The following ASCC3 variants were observed in gnomAD, a reference collection of about 807,000 sequenced individuals.
ASCC3 encodes the protein activating signal cointegrator 1 complex subunit 3, also known as ASC-1 complex subunit P200.
Under a neutral mutation model 256.3 loss-of-function variants are expected in ASCC3, and 158 were observed. That is an observed-to-expected ratio of 0.62 (90% CI 0.54 to 0.70). ASCC3 has a LOEUF of 0.70. ASCC3 is among the 30% of genes least tolerant of loss of function. ASCC3 has a pLI of 0.00. For synonymous variants in ASCC3, 948 were observed against 883.4 expected (o/e 1.07, Z -1.30); for missense variants, 2,259 against 2,626.0 (o/e 0.86, Z 3.05).
chr6:100,717,357 A>G (rs1383999836), intron 12 of ASCC3, among the ~76,000 whole-genome samples: 1 of 151,998 alleles, frequency 6.6e-6, no homozygotes, highest in Non-Finnish European at 1.5e-5. Context: ...CTCTTTTATT[A>G]AAAATGTCAA....
At chr6:100,598,406 A>C (rs1422481345) in intron 34 of ASCC3, among the ~76,000 whole-genome samples, 2 of 152,196 alleles carry the variant, frequency 1.3e-5, no homozygotes, top group African/African-American at 4.8e-5. Flanking sequence ...ATGTGTGAGC[A>C]GGAGACATCC....
At chr6:100,629,214 T>C (rs1175216791) in intron 26 of ASCC3, 33 bp from the exon 27 acceptor site, 1 of 1,601,362 alleles carries the variant, frequency 6.2e-7, no homozygotes, top group South Asian at 1.1e-5. Context: ...TCCCAGAAAC[T>C]TTTCAGGTAA....
chr6:100,765,096 A>T (rs1265945173), intron 10 of ASCC3, among the ~76,000 whole-genome samples: 1 of 152,206 alleles, frequency 6.6e-6, no homozygotes, highest in Non-Finnish European at 1.5e-5. Flanking sequence ...GCCACCAGAA[A>T]CTAGGAGGCA....
intron 13 of ASCC3, among the ~76,000 whole-genome samples, chr6:100,701,876 C>G (rs1001137905): frequency 2.6e-5 from 4 of 151,542 alleles, no homozygotes; most frequent in Admixed American, 2.6e-4. Flanking sequence ...TGTACAAAAG[C>G]CCCAAGAAAA....
Position 100,767,221 on chromosome 6 carries a change from T to C in ASCC3, c.1520A>G (p.Asn507Ser), listed in dbSNP as rs1420872946. The stretch of plus-strand genomic sequence containing the variant: ...ATGCAAGACTGTCAGCATTGCAATG[T>C]TGGTTTTTCCAGCTCCTGTAGGGGC... ...ICAPTGAGKT[N>S]IAMLTVLHEI... Residue 507 changes from asparagine to serine, a missense_variant, in exon 9 of 42, where the codon AAC becomes AGC. By Grantham distance (46) the Asn-to-Ser change is conservative. This residue lies in a region of ASCC3 where 1,839 missense variants were observed against 2,206.7 expected (regional missense o/e 0.83). Transcript: ENST00000369162. 6.2e-7 allele frequency: 1 copy of C among 1,614,178 alleles called. No individual in the cohort carries two copies. Among genetic ancestry groups the C allele is most frequent in the Admixed American group, 1.7e-5 (1 of 60,036 alleles).
chr6:100,571,915 C>T (rs1770611020), intron 36 of ASCC3, among the ~76,000 whole-genome samples: 2 of 152,174 alleles, frequency 1.3e-5, no homozygotes, highest in South Asian at 4.1e-4. Context: ...CAGGCAGAAA[C>T]TCTTTTATAA....
chr6:100,717,616 TAAGTTA>T (rs1330345821), intron 12 of ASCC3, among the ~76,000 whole-genome samples: 1 of 151,972 alleles, frequency 6.6e-6, no homozygotes, highest in Non-Finnish European at 1.5e-5. Context: ...TAGAACATTG[TAAGTTA>T]AACAGAACAC....
intron 8 of ASCC3, among the ~76,000 whole-genome samples, chr6:100,796,846 G>A (rs182375279): frequency 1.5e-3 from 221 of 152,166 alleles, no homozygotes; most frequent in Non-Finnish European, 2.6e-3. Flanking sequence ...TCCTTCAGTA[G>A]GTGAATAGTT....
chr6:100,862,945 G>A (rs896724570), intron 3 of ASCC3, among the ~76,000 whole-genome samples: 1 of 152,174 alleles, frequency 6.6e-6, no homozygotes, highest in Admixed American at 6.5e-5. Flanking sequence ...AGCAGCATGT[G>A]TGAAGACCCA....
chr6:100,735,276 T>G (rs1780097310), intron 10 of ASCC3, among the ~76,000 whole-genome samples: 1 of 152,188 alleles, frequency 6.6e-6, no homozygotes, highest in Non-Finnish European at 1.5e-5. Context: ...CGATTTCATT[T>G]AAGGAAATCA....
At chr6:100,654,235 C>G (rs1472729787) in intron 17 of ASCC3, among the ~76,000 whole-genome samples, 1 of 149,976 alleles carries the variant, frequency 6.7e-6, no homozygotes, top group Non-Finnish European at 1.5e-5. Context: ...ACTGTTTTAT[C>G]TGTGTTAGTT....
chr6:100,762,392 C>G (rs1781461740), intron 10 of ASCC3, among the ~76,000 whole-genome samples: 1 of 152,142 alleles, frequency 6.6e-6, no homozygotes, highest in South Asian at 2.1e-4. Flanking sequence ...TCAATGGAAC[C>G]ACTGAAAAGT....
chr6:100,807,827 T>C (rs561535856), intron 4 of ASCC3, among the ~76,000 whole-genome samples: 1 of 152,032 alleles, frequency 6.6e-6, no homozygotes, highest in South Asian at 2.1e-4. Flanking sequence ...ACTCCTACTA[T>C]ATATAGAATA....
chr6:100,799,334 A>C, intron 7 of ASCC3, 97 bp downstream of exon 7: 1 of 1,338,154 alleles, frequency 7.5e-7, no homozygotes, highest in Non-Finnish European at 1.1e-6. Context: ...TAGCATAGTC[A>C]ACTAGTGTTA....
At chr6:100,788,902 A>G (rs1411902816) in intron 8 of ASCC3, among the ~76,000 whole-genome samples, 1 of 151,900 alleles carries the variant, frequency 6.6e-6, no homozygotes, top group African/African-American at 2.4e-5. Flanking sequence ...TTTTGACATG[A>G]TGAAAATGTT....
At chr6:100,650,789 T>G in intron 19 of ASCC3, 75 bp from the exon 20 acceptor site, 1 of 1,153,646 alleles carries the variant, frequency 8.7e-7, no homozygotes, top group South Asian at 1.3e-5. Flanking sequence ...TTAAATACAT[T>G]GCATGTTTTT....
rs756076364 is a variant in ASCC3, at chr6:100,715,571, C to T, written c.2080-38G>A. The T allele has an allele frequency of 3.7e-5, 57 of 1,547,242 alleles. No homozygotes were observed. In the Admixed American group the frequency reaches 9.7e-4, roughly 26 times the overall value. ...AAAACATAAAAAAAATCATGTGAAA[C>T]AATTATAAACTTTCTAACTACAAAT... On this transcript the variant is annotated intron_variant, in intron 12 of 41. Coordinates refer to ENST00000369162, the MANE Select transcript of ASCC3 (RefSeq NM_006828.4).
rs540581867 is a variant in ASCC3 at position 100,508,405 on chromosome 6, A to G, written c.*981T>C. ...GCATATTATATGAACATTGAATTTT[A>G]ACAAGTTTTTAGTTTGAAAAAGTAT... On this transcript the variant is annotated 3_prime_UTR_variant, in exon 42 of 42. Transcript: ENST00000369162. 6 of 152,300 alleles carry G rather than the reference A, an allele frequency of 3.9e-5. No individual in the cohort carries two copies. The South Asian group carries it at 1.2e-3, about 32-fold the overall frequency. 9.4% of individuals were successfully genotyped at this position (152,300 alleles called of 1,614,324 possible).
chr6:100,621,840 A>C (rs900982400), intron 30 of ASCC3, among the ~76,000 whole-genome samples: 1 of 152,196 alleles, frequency 6.6e-6, no homozygotes, highest in Non-Finnish European at 1.5e-5. Context: ...AATCAACCCA[A>C]ATGCCCATCA....
Sources: gnomAD v4.1 joint callset for allele counts (sites outside exome capture counted in the v4.1 genomes callset) on GRCh38, gnomAD v4.1.1 for gene constraint, gnomAD v4.1.1 regional missense constraint, MANE v1.5 for transcripts, NCBI Gene and HGNC (gene_info 2026-07-23, HGNC 2026-07-21) for gene names.